The following CNTNAP3B variants were observed in gnomAD, a reference collection of about 807,000 sequenced individuals.
The protein encoded by CNTNAP3B is contactin associated protein family member 3B.
Under a neutral mutation model 108.9 loss-of-function variants are expected in CNTNAP3B, and 25 were observed. The observed-to-expected ratio is 0.23, with a 90% CI of 0.17 to 0.32. The LOEUF is 0.32. CNTNAP3B is among the 10% of genes least tolerant of loss of function. The pLI, the probability that CNTNAP3B is intolerant of heterozygous loss-of-function variation, is 1.00. For synonymous variants in CNTNAP3B, 103 were observed against 473.4 expected, an observed-to-expected ratio of 0.22 and a Z score of 10.16; for missense variants, 252 against 1,210.4, an observed-to-expected ratio of 0.21 and a Z score of 11.75.
At chr9:41,921,375 G>A (rs1172460975) in intron 17 of CNTNAP3B, among the ~76,000 whole-genome samples, 1 of 152,082 alleles carries the variant, frequency 6.6e-6, no homozygotes, top group East Asian at 1.9e-4. Context: ...AACCACGCCT[G>A]AAGCTAGGTT....
At chr9:42,121,071 G>A (rs28646048) in intron 1 of CNTNAP3B, among the ~76,000 whole-genome samples, 111,292 of 136,856 alleles carry the variant, frequency 0.81, 49,335 homozygotes, top group East Asian at 0.9. Flanking sequence ...CAACCCATTC[G>A]TTCATATTCC....
chr9:42,041,274 A>G (rs1826745362), intron 3 of CNTNAP3B, among the ~76,000 whole-genome samples: 1 of 142,000 alleles, frequency 7.0e-6, no homozygotes, highest in Admixed American at 7.0e-5. Context: ...GCATAGTAAA[A>G]GAAACTACCA....
At chr9:41,930,760 C>T (rs1823953896) in intron 14 of CNTNAP3B, among the ~76,000 whole-genome samples, 1 of 152,266 alleles carries the variant, frequency 6.6e-6, no homozygotes, top group South Asian at 2.1e-4. Flanking sequence ...TGGAGGATCC[C>T]CTAGGGGAAC....
intron 3 of CNTNAP3B, among the ~76,000 whole-genome samples, chr9:42,068,153 G>A (rs1017182658): frequency 1.1e-5 from 1 of 94,372 alleles, no homozygotes; most frequent in Non-Finnish European, 2.1e-5. Flanking sequence ...TAAGATATCT[G>A]TACAATTCTA....
intron 12 of CNTNAP3B, among the ~76,000 whole-genome samples, chr9:41,959,359 G>A (rs1420253711): frequency 9.9e-5 from 15 of 152,202 alleles, no homozygotes; most frequent in Admixed American, 4.6e-4. Context: ...AGAGCAATGC[G>A]GCATCTAAAG....
chr9:41,997,805 T>A (rs1038036925), intron 5 of CNTNAP3B, 53 bp from the exon 6 acceptor site: 12 of 1,424,356 alleles, frequency 8.4e-6, no homozygotes, highest in Non-Finnish European at 1.1e-5. Context: ...ACGGCTTCCC[T>A]TTTTTAGTTG....
At chr9:41,977,669 G>T (rs1443604263) in intron 9 of CNTNAP3B, among the ~76,000 whole-genome samples, 4 of 130,500 alleles carry the variant, frequency 3.1e-5, no homozygotes, top group Non-Finnish European at 4.8e-5. Context: ...CCAGGCTGGA[G>T]TGCAGTGGCG....
chr9:41,924,810 T>C (rs1164097708), intron 15 of CNTNAP3B, among the ~76,000 whole-genome samples: 3 of 152,296 alleles, frequency 2.0e-5, no homozygotes, highest in Non-Finnish European at 4.4e-5. Flanking sequence ...CTCTTTAGTG[T>C]CCTTTATTCT....
intron 2 of CNTNAP3B, among the ~76,000 whole-genome samples, chr9:42,095,685 C>A (rs1031535033): frequency 7.2e-6 from 1 of 139,132 alleles, no homozygotes; most frequent in Non-Finnish European, 1.5e-5. Context: ...GATACAGAGA[C>A]TGGAAGTAGT....
intron 1 of CNTNAP3B, among the ~76,000 whole-genome samples, chr9:42,107,656 C>T (rs549312853): frequency 0.011 from 1,442 of 134,064 alleles, 293 homozygotes; most frequent in African/African-American, 0.04. Flanking sequence ...ATTTCTGGCA[C>T]AGGCTTGAAT....
At chr9:41,928,113 T>C (rs1418589266) in intron 15 of CNTNAP3B, among the ~76,000 whole-genome samples, 1 of 152,270 alleles carries the variant, frequency 6.6e-6, no homozygotes, top group Non-Finnish European at 1.5e-5. Context: ...GGATAACATA[T>C]CTGTCAAGAG....
At chr9:41,995,536 C>A (rs541271712) in intron 7 of CNTNAP3B, among the ~76,000 whole-genome samples, 1 of 135,466 alleles carries the variant, frequency 7.4e-6, no homozygotes, top group East Asian at 2.2e-4. Context: ...GAAATCGAGA[C>A]CATCCTGGCT....
At chr9:42,042,554 TA>T (rs1826783775) in intron 3 of CNTNAP3B, among the ~76,000 whole-genome samples, 1 of 134,578 alleles carries the variant, frequency 7.4e-6, no homozygotes, top group East Asian at 2.2e-4. Context: ...CATTATTCTT[TA>T]AACAATATAG....
At chr9:42,121,669 T>C (rs1478602390) in intron 1 of CNTNAP3B, among the ~76,000 whole-genome samples, 1 of 140,364 alleles carries the variant, frequency 7.1e-6, no homozygotes, top group African/African-American at 2.8e-5. Flanking sequence ...ATCTCTTCTC[T>C]AGAATGTGTC....
intron 15 of CNTNAP3B, among the ~76,000 whole-genome samples, chr9:41,924,998 C>T (rs1256061622): frequency 2.6e-5 from 4 of 151,762 alleles, no homozygotes; most frequent in East Asian, 1.9e-4. Flanking sequence ...CTCAGTGTGT[C>T]GCAGCAGCAG....
chr9:41,943,390 TC>T (rs1454875089), intron 13 of CNTNAP3B, among the ~76,000 whole-genome samples: 60 of 148,586 alleles, frequency 4.0e-4, no homozygotes, highest in Non-Finnish European at 7.1e-4. Context: ...TCTCTCTCTG[TC>T]GCTCAGGCTG....
At chr9:41,945,513 A>C (rs1339488679) in intron 13 of CNTNAP3B, among the ~76,000 whole-genome samples, 1 of 152,308 alleles carries the variant, frequency 6.6e-6, no homozygotes, top group East Asian at 1.9e-4. Flanking sequence ...AACTATCGCA[A>C]GGACAAAAAA....
intron 3 of CNTNAP3B, among the ~76,000 whole-genome samples, chr9:42,055,620 A>C (rs1252323464): frequency 2.8e-5 from 2 of 72,720 alleles, no homozygotes; most frequent in African/African-American, 5.4e-5. Context: ...AACTGAAAGC[A>C]TCACTCTTTT....
At chr9:41,997,951 A>AT (rs1428029691) in intron 5 of CNTNAP3B, among the ~76,000 whole-genome samples, 199 bp from the exon 6 acceptor site, 1 of 94,044 alleles carries the variant, frequency 1.1e-5, no homozygotes, top group African/African-American at 4.7e-5. Context: ...TTTTCTTAGT[A>AT]TTTTTTCTAT....
Sources: allele counts gnomAD v4.1 joint callset (sites outside exome capture counted in the v4.1 genomes callset), GRCh38; gene constraint gnomAD v4.1.1; transcripts MANE v1.5; gene names NCBI Gene and HGNC (gene_info 2026-07-23, HGNC 2026-07-21).